LINGO2: variants seen among roughly 807,000 people sequenced by gnomAD.
The protein encoded by LINGO2 is leucine rich repeat and Ig domain containing 2.
LINGO2 carries 14 observed loss-of-function variants against 30.6 expected under a neutral mutation model. The observed-to-expected ratio is 0.46, with a 90% CI of 0.30 to 0.72. The LOEUF (loss-of-function observed/expected upper bound fraction) is 0.72. Among genes scored for constraint, LINGO2 ranks in the 30% least tolerant of loss-of-function variants. LINGO2 has a pLI of 0.07. For missense variants in LINGO2, 729 were observed against 751.7 expected (o/e 0.97, Z 0.35); for synonymous variants, 317 against 288.5 (o/e 1.10, Z -1.00).
chr9:28,051,185 T>C (rs1313322467), intron 4 of LINGO2, among the ~76,000 whole-genome samples: 1 of 151,484 alleles, frequency 6.6e-6, no homozygotes, highest in Non-Finnish European at 1.5e-5. Context: ...ACAGATGCAG[T>C]TGAGGTCATG....
intron 4 of LINGO2, among the ~76,000 whole-genome samples, chr9:28,044,307 A>C (rs1824319286): frequency 6.6e-6 from 1 of 152,228 alleles, no homozygotes; most frequent in South Asian, 2.1e-4. Flanking sequence ...TGGGTATTTT[A>C]AATGGTATAC....
intron 1 of LINGO2, among the ~76,000 whole-genome samples, chr9:28,527,135 G>C (rs998346561): frequency 6.6e-6 from 1 of 152,112 alleles, no homozygotes; most frequent in Non-Finnish European, 1.5e-5. Context: ...AGAACGTGGA[G>C]ATTATGTAGT....
chr9:28,072,406 C>G (rs1346479759), intron 4 of LINGO2, among the ~76,000 whole-genome samples: 1 of 152,182 alleles, frequency 6.6e-6, no homozygotes, highest in Non-Finnish European at 1.5e-5. Context: ...CTTTGAGTTT[C>G]AGCAGAAACC....
At chr9:28,134,318 T>A (rs970544186) in intron 4 of LINGO2, among the ~76,000 whole-genome samples, 4 of 152,236 alleles carry the variant, frequency 2.6e-5, no homozygotes, top group African/African-American at 9.6e-5. Flanking sequence ...TTCTTTTATA[T>A]GGTTATTGTT....
At chr9:28,561,480 A>G (rs117599943) in intron 1 of LINGO2, among the ~76,000 whole-genome samples, 2,058 of 150,766 alleles carry the variant, frequency 0.014, 48 homozygotes, top group East Asian at 0.096. Flanking sequence ...CCCTGTTTCT[A>G]TAATTAGTTT....
the LINGO2 span, among the ~76,000 whole-genome samples, chr9:28,951,575 G>A: frequency 1.9e-4 from 29 of 152,208 alleles, no homozygotes; most frequent in South Asian, 3.7e-3. Flanking sequence ...CAGGTGGCTC[G>A]TATCCCATCC....
At chr9:28,731,938 A>G in the LINGO2 span, among the ~76,000 whole-genome samples, 1 of 152,166 alleles carries the variant, frequency 6.6e-6, no homozygotes, top group Admixed American at 6.5e-5. Context: ...TCATTCTAGA[A>G]CTTAGAGAAA....
intron 1 of LINGO2, among the ~76,000 whole-genome samples, chr9:28,652,667 G>T (rs1351052043): frequency 6.6e-6 from 1 of 151,250 alleles, no homozygotes; most frequent in Non-Finnish European, 1.5e-5. Flanking sequence ...CAGTGAGTTT[G>T]GTGTTTCCTT....
At chr9:27,952,199 C>T (rs535997792) in intron 5 of LINGO2, among the ~76,000 whole-genome samples, 3 of 152,094 alleles carry the variant, frequency 2.0e-5, no homozygotes, top group African/African-American at 7.2e-5. Flanking sequence ...TTCTTGTCTA[C>T]ACAAACCATT....
At chr9:28,349,852 C>G (rs1393418937) in intron 3 of LINGO2, among the ~76,000 whole-genome samples, 1 of 152,096 alleles carries the variant, frequency 6.6e-6, no homozygotes, top group Non-Finnish European at 1.5e-5. Flanking sequence ...ATTCAACGTT[C>G]TTAAAGAAAA....
At chr9:28,352,605 C>T (rs1819951280) in intron 3 of LINGO2, among the ~76,000 whole-genome samples, 1 of 137,492 alleles carries the variant, frequency 7.3e-6, no homozygotes, top group African/African-American at 2.8e-5. Flanking sequence ...CAATGCCATC[C>T]CCATCAAGCT....
At chr9:28,529,301 T>G (rs1821141693) in intron 1 of LINGO2, among the ~76,000 whole-genome samples, 1 of 152,186 alleles carries the variant, frequency 6.6e-6, no homozygotes, top group Admixed American at 6.5e-5. Context: ...ATTAAATTTA[T>G]ATTCTTCTCC....
In LINGO2 at chr9:28,512,580, GATATATATGTGTGTATATATATATAT is replaced by G. The variant is rs1292835785; in HGVS notation, c.-364-36581_-364-36556del. 5.2e-4 allele frequency among the ~76,000 whole-genome samples: 45 copies of G among 87,144 alleles called. 2 individuals carry two copies. The highest frequency in any genetic ancestry group is 0.012 in the Middle Eastern group (2 of 166). The allele number at this position is 87,144 out of a possible 152,430, so 57.2% of individuals were successfully genotyped here. A position where few individuals can be genotyped will look rare whatever the true frequency, so the allele number is the denominator to read the frequency against. On this transcript the variant is annotated intron_variant, in intron 1 of 5. Coordinates refer to ENST00000379992, the Ensembl canonical transcript of LINGO2. The stretch of plus-strand genomic sequence containing the variant: ...TTCTCTAGAGGGACAGAACTAACAG[GATATATATGTGTGTATATATATATAT>G]ATATATATATATATATATATATATA...
At chr9:29,142,574 A>G in the LINGO2 span, among the ~76,000 whole-genome samples, 1 of 152,038 alleles carries the variant, frequency 6.6e-6, no homozygotes, top group South Asian at 2.1e-4. Context: ...TAAATGCAAT[A>G]AAGAATCTAA....
At chr9:29,139,541 C>T in the LINGO2 span, among the ~76,000 whole-genome samples, 12 of 151,964 alleles carry the variant, frequency 7.9e-5, no homozygotes, top group African/African-American at 2.9e-4. Context: ...TATGAAGTCC[C>T]ATACTGTTGT....
At chr9:29,135,252 C>T in the LINGO2 span, among the ~76,000 whole-genome samples, 1 of 151,416 alleles carries the variant, frequency 6.6e-6, no homozygotes, top group Non-Finnish European at 1.5e-5. Flanking sequence ...AGCTTCCTCT[C>T]CACTGTAAAA....
At chr9:28,373,116 T>C (rs924045213) in intron 2 of LINGO2, among the ~76,000 whole-genome samples, 9 of 152,148 alleles carry the variant, frequency 5.9e-5, no homozygotes, top group African/African-American at 1.7e-4. Flanking sequence ...CTTATGAGTA[T>C]AGAAATTATG....
At chr9:28,885,212 G>T in the LINGO2 span, among the ~76,000 whole-genome samples, 1 of 147,498 alleles carries the variant, frequency 6.8e-6, no homozygotes, top group South Asian at 2.1e-4. Flanking sequence ...CCTAATAATT[G>T]CAACGGTGCC....
chr9:28,644,289 C>T (rs1827733733), intron 1 of LINGO2, among the ~76,000 whole-genome samples: 1 of 151,888 alleles, frequency 6.6e-6, no homozygotes, highest in South Asian at 2.1e-4. Flanking sequence ...TTGGAAGCAC[C>T]CTATGTCCAT....
Sources: allele counts gnomAD v4.1 joint callset (sites outside exome capture counted in the v4.1 genomes callset), GRCh38; gene constraint gnomAD v4.1.1; transcripts MANE v1.5; gene names NCBI Gene and HGNC (gene_info 2026-07-23, HGNC 2026-07-21).